Variants in RPS17 observed in about 807,000 individuals in gnomAD.
The protein encoded by RPS17 is ribosomal protein S17.
For missense variants in RPS17, 68 were observed against 182.3 expected (o/e 0.37, Z 3.61); for synonymous variants, 75 against 65.6 (o/e 1.14, Z -0.70).
Position 82,540,152 on chromosome 15 carries a change from G to C in RPS17, c.4-20C>G, listed in dbSNP as rs1401303424. 6.2e-7 allele frequency: 1 copy of C among 1,613,556 alleles called. No individual in the cohort carries two copies. The highest frequency in any genetic ancestry group is 1.7e-5 in the Admixed American group (1 of 60,004). On this transcript the variant is annotated intron_variant, in intron 1 of 4. Transcript: ENST00000647841. ...GCGGCCCTGCGGGTGGAGAGGACAG[G>C]ATCACTCACGAGCCAGCGCAACCTT...
At chr15:82,539,946 G>T in intron 2 of RPS17, 35 bp downstream of exon 2, 1 of 1,611,970 alleles carries the variant, frequency 6.2e-7, no homozygotes, top group Non-Finnish European at 8.5e-7. Flanking sequence ...CAAACAGATC[G>T]CGGAGCCCCG....
intron 2 of RPS17, 108 bp downstream of exon 2, chr15:82,539,873 G>A: frequency 6.4e-7 from 1 of 1,555,436 alleles, no homozygotes; most frequent in Non-Finnish European, 8.9e-7. Flanking sequence ...ACACCAGGGA[G>A]TCTCAGGCTA....
At chr15:82,537,417 A>T (rs2034260199) in intron 4 of RPS17, 1 of 268,550 alleles carries the variant, frequency 3.7e-6, no homozygotes, top group South Asian at 4.3e-5. Flanking sequence ...AGCCCTGGGT[A>T]AGAGCTATTA....
At position 82,538,866 on chromosome 15, in the gene RPS17, T is replaced by G; in HGVS notation, c.261+14A>C. On this transcript the variant is annotated intron_variant, in intron 3 of 4. Coordinates refer to ENST00000647841, the MANE Select transcript of RPS17 (RefSeq NM_001021.6). ...TGAGGATTAGCCAGAAGCCCAAATA[T>G]CCAGAAAGTTTACCTCAGGAACATA... 2 of 1,613,472 alleles carry G rather than the reference T, an allele frequency of 1.2e-6. No individual in the cohort carries two copies. The highest frequency in any genetic ancestry group is 1.7e-6 in the Non-Finnish European group (2 of 1,179,448).
intron 2 of RPS17, 174 bp downstream of exon 2, chr15:82,539,807 A>C: frequency 1.8e-6 from 2 of 1,133,598 alleles, no homozygotes; most frequent in Non-Finnish European, 2.7e-6. Flanking sequence ...GTCATGACAC[A>C]GGCCTAAGTT....
intron 3 of RPS17, 108 bp from the exon 4 acceptor site, chr15:82,538,479 G>T: frequency 8.0e-7 from 1 of 1,242,318 alleles, no homozygotes; most frequent in South Asian, 1.2e-5. Context: ...GCTGCACAAG[G>T]ATAGCATTCC....
rs1275880843 is a variant in RPS17 at position 82,540,112 on chromosome 15, G to C, written c.24C>G (p.Thr8=). The change falls in exon 2 of 5, where the codon ACC becomes ACG. Residue 8 remains threonine (T), a synonymous_variant. Transcript: ENST00000647841. MGRVRTK[T]VKKAARVIIE... ...TGATGACCCGGGCCGCCTTCTTCAC[G>C]GTTTTGGTGCGAACGCGGCCCTGCG... The C allele has an allele frequency of 3.1e-6, 5 of 1,613,542 alleles. No individual in the cohort carries two copies. Among genetic ancestry groups the C allele is most frequent in the Non-Finnish European group, 4.2e-6 (5 of 1,179,884 alleles).
rs1260741783 is a variant in RPS17, at chr15:82,538,713, C to G, written c.261+167G>C. On this transcript the variant is annotated intron_variant, in intron 3 of 4. Transcript: ENST00000647841. ...ATAGACTTAACTGGTTCCAGAAGAG[C>G]AGAATGGAGGCTAAGAAACTGGTAG... The G allele has an allele frequency of 1.1e-4, 84 of 753,442 alleles. 3 individuals are homozygous for G. Among genetic ancestry groups the G allele is most frequent in the Non-Finnish European group, 2.4e-6 (1 of 422,408 alleles). 46.7% of individuals were successfully genotyped at this position (753,442 alleles called of 1,614,324 possible). A position where few individuals can be genotyped will look rare whatever the true frequency, so the allele number is the denominator to read the frequency against.
chr15:82,539,390 T>C, intron 2 of RPS17: 1 of 463,800 alleles, frequency 2.2e-6, no homozygotes, highest in Non-Finnish European at 4.3e-6. Flanking sequence ...GAAGTAAGCA[T>C]TAGAAGTTGA....
chr15:82,538,076 A>G (rs1405530443), intron 4 of RPS17: 34 of 589,238 alleles, frequency 5.8e-5, no homozygotes, highest in Middle Eastern at 2.7e-4. Context: ...GCCAAGAGAG[A>G]AAAGGTGTCC....
chr15:82,536,952 A>G, intron 4 of RPS17, 71 bp from the exon 5 acceptor site: 1 of 1,572,944 alleles, frequency 6.4e-7, no homozygotes. Context: ...AAGAAAACAC[A>G]GGCCCCTAGA....
At chr15:82,538,130 ACT>A (rs1801676698) in intron 4 of RPS17, 174 bp downstream of exon 4, 1 of 692,306 alleles carries the variant, frequency 1.4e-6, no homozygotes, top group Non-Finnish European at 2.7e-6. Flanking sequence ...TGGCGAACTA[ACT>A]CAATGCACAC....
At chr15:82,540,194 G>T (rs1595979888) in intron 1 of RPS17, 62 bp from the exon 2 acceptor site, 1 of 1,612,742 alleles carries the variant, frequency 6.2e-7, no homozygotes, top group Non-Finnish European at 8.5e-7. Context: ...AGAGTGCGGC[G>T]CCGAGCCCCG....
At chr15:82,539,630 A>G in intron 2 of RPS17, 1 of 418,456 alleles carries the variant, frequency 2.4e-6, no homozygotes, top group South Asian at 2.0e-5. Flanking sequence ...CGGAGGTTGC[A>G]GTGAGCCGAG....
intron 4 of RPS17, 138 bp downstream of exon 4, chr15:82,538,168 G>T: frequency 2.3e-6 from 2 of 880,388 alleles, no homozygotes; most frequent in Non-Finnish European, 3.8e-6. Flanking sequence ...CCTTATGAAA[G>T]CAGTCCAGTT....
chr15:82,536,980 G>T (rs2034250550), intron 4 of RPS17, 99 bp from the exon 5 acceptor site: 2 of 1,419,008 alleles, frequency 1.4e-6, no homozygotes, highest in Non-Finnish European at 2.0e-6. Context: ...CACTCTCAAG[G>T]GGGTCCAGAG....
At chr15:82,539,213 G>A (rs2034296373) in intron 2 of RPS17, 2 of 669,950 alleles carry the variant, frequency 3.0e-6, no homozygotes, top group East Asian at 2.9e-5. Flanking sequence ...ATGATCAAGC[G>A]CCCCACCCCC....
At chr15:82,537,310 T>A in intron 4 of RPS17, 3 of 294,564 alleles carry the variant, frequency 1.0e-5, no homozygotes, top group Non-Finnish European at 2.0e-5. Flanking sequence ...ATCCCCTGGC[T>A]ATGAGAACGA....
At chr15:82,537,965 A>G (rs936037300) in intron 4 of RPS17, 24 of 466,256 alleles carry the variant, frequency 5.1e-5, no homozygotes, top group African/African-American at 4.6e-4. Flanking sequence ...TAGCATGGAG[A>G]CACCAAAGGA....
Sources: gnomAD v4.1 joint callset for allele counts on GRCh38, gnomAD v4.1.1 for gene constraint, MANE v1.5 for transcripts, NCBI Gene and HGNC (gene_info 2026-07-23, HGNC 2026-07-21) for gene names.